The following NRG2 variants were observed in gnomAD, a reference collection of about 807,000 sequenced individuals.
NRG2 encodes the protein pro-neuregulin-2, membrane-bound isoform.
In NRG2, 27 loss-of-function variants were observed where a neutral mutation model predicts 73.9. That is an observed-to-expected ratio of 0.37 (90% CI 0.27 to 0.50). The LOEUF is 0.50. Ranked by LOEUF, NRG2 falls within the 20% of genes least tolerant of loss-of-function variation. NRG2 has a pLI of 0.96. For missense variants in NRG2, 1,126 were observed against 1,210.1 expected (o/e 0.93, Z 1.03); for synonymous variants, 532 against 541.0 (o/e 0.98, Z 0.23).
chr5:139,918,658 G>A (rs536585735), intron 1 of NRG2, among the ~76,000 whole-genome samples: 28 of 152,282 alleles, frequency 1.8e-4, no homozygotes, highest in Non-Finnish European at 3.8e-4. Flanking sequence ...AAAGAGCCGC[G>A]TGAGCTATTT....
At chr5:140,010,352 A>G (rs1012154022) in intron 1 of NRG2, among the ~76,000 whole-genome samples, 3 of 152,224 alleles carry the variant, frequency 2.0e-5, no homozygotes, top group Non-Finnish European at 4.4e-5. Context: ...GTTCTCATAC[A>G]CTTGTCCAAA....
At chr5:139,968,420 T>C (rs577353516) in intron 1 of NRG2, among the ~76,000 whole-genome samples, 1 of 152,296 alleles carries the variant, frequency 6.6e-6, no homozygotes, top group Non-Finnish European at 1.5e-5. Flanking sequence ...ACATCCTCCC[T>C]ATAGAGAAGA....
intron 1 of NRG2, among the ~76,000 whole-genome samples, chr5:140,022,847 T>G (rs1421161465): frequency 6.6e-6 from 1 of 152,242 alleles, no homozygotes; most frequent in Non-Finnish European, 1.5e-5. Flanking sequence ...CTTCTTAAAA[T>G]TGCTTTTCCT....
chr5:140,003,790 A>G (rs1339950425), intron 1 of NRG2, among the ~76,000 whole-genome samples: 1 of 152,190 alleles, frequency 6.6e-6, no homozygotes, highest in Non-Finnish European at 1.5e-5. Flanking sequence ...TCCTAATTCA[A>G]AAAACAGCAA....
chr5:139,848,859 T>G (rs1243872751), intron 9 of NRG2, among the ~76,000 whole-genome samples, 162 bp from the exon 10 acceptor site: 3 of 152,194 alleles, frequency 2.0e-5, no homozygotes, highest in Non-Finnish European at 2.9e-5. Flanking sequence ...AGTGGCCTTA[T>G]GCAATTTCCT....
Position 139,855,656 on chromosome 5 carries a change from C to A in NRG2, c.1292+20G>T. 1 of 1,601,404 alleles carries A rather than the reference C, an allele frequency of 6.2e-7. No individual in the cohort carries two copies. Among genetic ancestry groups the A allele is most frequent in the Non-Finnish European group, 8.6e-7 (1 of 1,168,606 alleles). On this transcript the variant is annotated intron_variant, in intron 6 of 9. Transcript: ENST00000361474. ...ATCCCTTGGCTTGGCCTGTCCCCAG[C>A]TTGAGTGACTGACACTCACTTGGTC...
intron 1 of NRG2, among the ~76,000 whole-genome samples, chr5:139,951,277 T>TTG (rs938827666): frequency 4.6e-5 from 7 of 152,160 alleles, no homozygotes; most frequent in Admixed American, 1.3e-4. Context: ...AGAGCAGTGT[T>TTG]TGTGTGTGTG....
At position 140,030,984 on chromosome 5, in the gene NRG2, GA is replaced by G. The variant is rs953934727; in HGVS notation, c.700+11385del. Among the ~76,000 whole-genome samples, 119 of 150,902 alleles carry G rather than the reference GA, an allele frequency of 7.9e-4. 1 individual carries two copies. In the East Asian group the frequency reaches 0.018, roughly 23 times the overall value. ...CTAGAATTATGGAAGATGACTTCTGGAAAAAAAAACTCCATGTTATGTCCAA... is the reference window on the plus strand; with the variant it reads ...CTAGAATTATGGAAGATGACTTCTGGAAAAAAAACTCCATGTTATGTCCAA... On this transcript the variant is annotated intron_variant, in intron 1 of 9. Coordinates refer to ENST00000361474, the MANE Select transcript of NRG2 (RefSeq NM_004883.3).
In NRG2 at chr5:139,904,445, G is replaced by T; in HGVS notation, c.701-16934C>A. 1 of 1,178,346 alleles carries T rather than the reference G, an allele frequency of 8.5e-7. No individual in the cohort carries two copies. The highest frequency in any genetic ancestry group is 1.2e-6 in the Non-Finnish European group (1 of 829,720). 73.0% of individuals were successfully genotyped at this position (1,178,346 alleles called of 1,614,324 possible). On this transcript the variant is annotated intron_variant, in intron 1 of 9. Coordinates refer to ENST00000361474, the MANE Select transcript of NRG2 (RefSeq NM_004883.3). The surrounding 1 kb of genome is among the most constrained non-coding windows in gnomAD (Gnocchi z 6.0). ...GGGACGGCCTCAGCTCTCCGCTGCC[G>T]CGCTGCGCCCCCGCCGCCTGCAGCC...
chr5:140,020,347 C>A (rs1434985045), intron 1 of NRG2, among the ~76,000 whole-genome samples: 4 of 152,190 alleles, frequency 2.6e-5, no homozygotes, highest in Non-Finnish European at 5.9e-5. Flanking sequence ...TCTTGTCCTG[C>A]CACTTGGAGG....
intron 4 of NRG2, among the ~76,000 whole-genome samples, chr5:139,867,585 T>C (rs1762541062): frequency 1.3e-5 from 2 of 152,138 alleles, no homozygotes; most frequent in African/African-American, 2.4e-5. Context: ...TGATGTCCAC[T>C]TGTGATGGGG....
Position 139,871,718 on chromosome 5 carries a change from T to C in NRG2, c.1112+3A>G, listed in dbSNP as rs554569092. 4.3e-6 allele frequency: 7 copies of C among 1,614,018 alleles called. No individual in the cohort carries two copies. The African/African-American group carries it at 9.3e-5, about 22-fold the overall frequency. ...CCCATGCCCACCCCTACTGGTCACT[T>C]ACTTGCAGGAGAGCTGGTTGATGCC... is the stretch of plus-strand genomic sequence containing the variant. On this transcript the variant is annotated splice_donor_region_variant and intron_variant, in intron 4 of 9. Transcript: ENST00000361474.
intron 1 of NRG2, among the ~76,000 whole-genome samples, chr5:139,891,268 T>C (rs1377246350): frequency 1.3e-5 from 2 of 152,170 alleles, no homozygotes; most frequent in Admixed American, 6.5e-5. Flanking sequence ...GGGGGATGTG[T>C]TGCATAGAGA....
intron 3 of NRG2, among the ~76,000 whole-genome samples, chr5:139,879,341 A>C (rs1212436356): frequency 6.6e-6 from 1 of 152,212 alleles, no homozygotes; most frequent in Non-Finnish European, 1.5e-5. Context: ...ATGGTTGGCC[A>C]AGGAGTGGCC....
At chr5:140,007,853 C>A (rs1451876442) in intron 1 of NRG2, among the ~76,000 whole-genome samples, 1 of 152,214 alleles carries the variant, frequency 6.6e-6, no homozygotes, top group East Asian at 1.9e-4. Flanking sequence ...CTGGAAAGAA[C>A]CTTGGCCCAA....
At chr5:140,005,006 T>C (rs1198610985) in intron 1 of NRG2, among the ~76,000 whole-genome samples, 2 of 152,368 alleles carry the variant, frequency 1.3e-5, no homozygotes, top group Non-Finnish European at 2.9e-5. Context: ...AAATCTACCA[T>C]TGATTAAACA....
rs1761036112 is a variant in NRG2 at position 139,846,914 on chromosome 5, T to G, written c.*1003A>C. ...TTTTTTTTTTAAACAATTACCTTTT[T>G]GACAAATTAGCAGTGGACCCAGTTT... is the stretch of plus-strand genomic sequence containing the variant. On this transcript the variant is annotated 3_prime_UTR_variant, in exon 10 of 10. Coordinates refer to ENST00000361474, the MANE Select transcript of NRG2 (RefSeq NM_004883.3). The G allele has an allele frequency of 6.6e-6, 1 of 152,096 alleles. No individual in the cohort carries two copies. Among genetic ancestry groups the G allele is most frequent in the East Asian group, 1.9e-4 (1 of 5,186 alleles). The allele number at this position is 152,096 out of a possible 1,614,324, so 9.4% of individuals were successfully genotyped here. A position where few individuals can be genotyped will look rare whatever the true frequency, so the allele number is the denominator to read the frequency against.
At chr5:139,924,114 C>A (rs746282896) in intron 1 of NRG2, among the ~76,000 whole-genome samples, 1 of 152,268 alleles carries the variant, frequency 6.6e-6, no homozygotes, top group East Asian at 1.9e-4. Context: ...AAGGCCTGGT[C>A]CCATGTTCAG....
intron 9 of NRG2, 74 bp from the exon 10 acceptor site, chr5:139,848,771 T>TGGGG: frequency 1.8e-5 from 1 of 54,660 alleles, no homozygotes; most frequent in Non-Finnish European, 3.2e-5. Flanking sequence ...GGGGGTGGGG[T>TGGGG]AGGGTGGGAG....
Sources: gnomAD v4.1 joint callset for allele counts (sites outside exome capture counted in the v4.1 genomes callset) on GRCh38, gnomAD v4.1.1 for gene constraint, Gnocchi (gnomAD v3.1) non-coding constraint, MANE v1.5 for transcripts, NCBI Gene and HGNC (gene_info 2026-07-23, HGNC 2026-07-21) for gene names.